The following GRAMD4 variants were observed in gnomAD, a reference collection of about 807,000 sequenced individuals.
GRAMD4 encodes GRAM domain-containing protein 4.
GRAMD4 carries 25 observed loss-of-function variants against 83.9 expected under a neutral mutation model. That is an observed-to-expected ratio of 0.30 (90% CI 0.22 to 0.42). The LOEUF (loss-of-function observed/expected upper bound fraction) is 0.42, where lower values mean the gene tolerates loss of function less well. GRAMD4 is among the 10% of genes least tolerant of loss of function. The probability of loss-of-function intolerance (pLI) is 1.00; values close to 1 mark genes in which losing one functional copy is unlikely to be tolerated. For synonymous variants in GRAMD4, 336 were observed against 320.9 expected, an observed-to-expected ratio of 1.05 and a Z score of -0.50; for missense variants, 593 against 788.7, an observed-to-expected ratio of 0.75 and a Z score of 2.97.
chr22:46,604,727 G>T (rs940667593), intron 1 of GRAMD4, among the ~76,000 whole-genome samples: 9 of 152,252 alleles, frequency 5.9e-5, no homozygotes, highest in Admixed American at 1.3e-4. Context: ...CGTCCTCTGG[G>T]TTCACCCAGG....
chr22:46,669,329 C>T (rs2082462471), intron 13 of GRAMD4, among the ~76,000 whole-genome samples: 1 of 152,082 alleles, frequency 6.6e-6, no homozygotes, highest in Non-Finnish European at 1.5e-5. Context: ...GGTGACATCA[C>T]GTGAAGCCAA....
At chr22:46,610,572 G>C (rs1454395311) in intron 1 of GRAMD4, among the ~76,000 whole-genome samples, 1 of 152,178 alleles carries the variant, frequency 6.6e-6, no homozygotes, top group Non-Finnish European at 1.5e-5. Flanking sequence ...GCCGCTCCCT[G>C]TGCCTTCGCG....
chr22:46,588,539 A>C (rs2081174125), intron 1 of GRAMD4, among the ~76,000 whole-genome samples: 1 of 152,174 alleles, frequency 6.6e-6, no homozygotes, highest in Non-Finnish European at 1.5e-5. Flanking sequence ...GCCACGTTCT[A>C]AGCTTTTACA....
chr22:46,635,750 CCGCCCCT>C, intron 2 of GRAMD4, among the ~76,000 whole-genome samples: 1 of 88,844 alleles, frequency 1.1e-5, no homozygotes, highest in African/African-American at 3.8e-5. Context: ...TCCCTGCCCC[CCGCCCCT>C]GGCCACTCCT....
At chr22:46,593,418 T>A (rs915394713) in intron 1 of GRAMD4, among the ~76,000 whole-genome samples, 9 of 152,278 alleles carry the variant, frequency 5.9e-5, no homozygotes, top group African/African-American at 1.9e-4. Flanking sequence ...GTTCTCTGAC[T>A]GCCTCTTCTC....
chr22:46,635,947 GCCT>G (rs1304662265), intron 2 of GRAMD4, among the ~76,000 whole-genome samples: 5 of 152,198 alleles, frequency 3.3e-5, no homozygotes, highest in Admixed American at 1.3e-4. Context: ...TTTGCAGTGT[GCCT>G]CCTCCTGGCT....
chr22:46,636,703 C>G (rs1202959687), intron 2 of GRAMD4, among the ~76,000 whole-genome samples: 1 of 152,252 alleles, frequency 6.6e-6, no homozygotes, highest in Admixed American at 6.5e-5. Flanking sequence ...CTCACCAGGT[C>G]CCTGGCAGGA....
At chr22:46,639,810 C>T (rs2081949190) in intron 3 of GRAMD4, among the ~76,000 whole-genome samples, 1 of 152,126 alleles carries the variant, frequency 6.6e-6, no homozygotes. Context: ...TGGTGACACA[C>T]TATGGCTGTG....
At position 46,661,565 on chromosome 22, in the gene GRAMD4, C is replaced by T. The variant is rs55681223; in HGVS notation, c.466+123C>T. 25,303 of 718,208 alleles carry T rather than the reference C, an allele frequency of 0.035. 1,084 individuals carry two copies. Among genetic ancestry groups the T allele is most frequent in the African/African-American group, 0.16 (9,380 of 57,600 alleles). The allele number at this position is 718,208 out of a possible 1,614,324, so 44.5% of individuals were successfully genotyped here. A position where few individuals can be genotyped will look rare whatever the true frequency, so the allele number is the denominator to read the frequency against. ...CCCCCTCCCCCAGCAGGTGGGCAGG[C>T]GGCAGGTGCTGGTTCTGTGCCCAGG... On this transcript the variant is annotated intron_variant, in intron 5 of 18. Coordinates refer to ENST00000406902, the MANE Select transcript of GRAMD4 (RefSeq NM_015124.5).
chr22:46,669,028 C>CT, intron 13 of GRAMD4, 120 bp downstream of exon 13: 1 of 635,756 alleles, frequency 1.6e-6, no homozygotes, highest in Non-Finnish European at 2.8e-6. Context: ...CCTTCCTCTG[C>CT]TTTTTGTCAC....
At chr22:46,608,887 G>T (rs992735576) in intron 1 of GRAMD4, among the ~76,000 whole-genome samples, 1 of 152,120 alleles carries the variant, frequency 6.6e-6, no homozygotes, top group African/African-American at 2.4e-5. Context: ...GCACGTGCCT[G>T]TAGTACCAGC....
chr22:46,682,400 G>A (rs62232566), downstream of GRAMD4: 5,508 of 984,166 alleles, frequency 5.6e-3, 25 homozygotes, highest in Non-Finnish European at 6.1e-3. Context: ...AGAAAACCCC[G>A]AAATTCACAG....
intron 3 of GRAMD4, among the ~76,000 whole-genome samples, chr22:46,647,932 T>G (rs1569287533): frequency 6.6e-6 from 1 of 152,264 alleles, no homozygotes; most frequent in South Asian, 2.1e-4. Flanking sequence ...GACCCTTATT[T>G]GTCATATTCA....
At chr22:46,580,600 A>T (rs1569242594) in intron 1 of GRAMD4, among the ~76,000 whole-genome samples, 1 of 152,126 alleles carries the variant, frequency 6.6e-6, no homozygotes, top group Non-Finnish European at 1.5e-5. Flanking sequence ...GCTGCTGGGG[A>T]TATGTAATAG....
upstream of GRAMD4, among the ~76,000 whole-genome samples, chr22:46,576,759 G>A (rs541634515): frequency 6.3e-5 from 9 of 142,440 alleles, no homozygotes; most frequent in East Asian, 1.9e-3. Context: ...CGGTCCCGCG[G>A]GGCGCGGGCG....
At chr22:46,609,756 G>A (rs532628300) in intron 1 of GRAMD4, among the ~76,000 whole-genome samples, 77 of 152,352 alleles carry the variant, frequency 5.1e-4, no homozygotes, top group Middle Eastern at 6.8e-3. Context: ...GCATCCCACC[G>A]GGGAGGGCCG....
intron 3 of GRAMD4, among the ~76,000 whole-genome samples, chr22:46,646,698 G>A (rs867141932): frequency 4.6e-4 from 70 of 152,314 alleles, no homozygotes; most frequent in African/African-American, 1.6e-3. Flanking sequence ...TCTTGGCTCA[G>A]GCCTTTTAAA....
At chr22:46,577,640 A>T (rs1198408804) in intron 1 of GRAMD4, among the ~76,000 whole-genome samples, 1 of 150,960 alleles carries the variant, frequency 6.6e-6, no homozygotes, top group Non-Finnish European at 1.5e-5. Flanking sequence ...CTGGAGGGGG[A>T]CGGTATCGGC....
At chr22:46,651,925 C>A (rs2147294684) in intron 3 of GRAMD4, among the ~76,000 whole-genome samples, 1 of 152,266 alleles carries the variant, frequency 6.6e-6, no homozygotes, top group Non-Finnish European at 1.5e-5. Context: ...TAAAGGAGGG[C>A]TTCCAGTGGT....
Sources: gnomAD v4.1 joint callset for allele counts (sites outside exome capture counted in the v4.1 genomes callset) on GRCh38, gnomAD v4.1.1 for gene constraint, MANE v1.5 for transcripts, NCBI Gene and HGNC (gene_info 2026-07-23, HGNC 2026-07-21) for gene names.